The following AGTR1 variants were observed in gnomAD, a reference collection of about 807,000 sequenced individuals.
The protein encoded by AGTR1 is type-1 angiotensin II receptor.
In AGTR1, 16 loss-of-function variants were observed where a neutral mutation model predicts 19.4. The observed-to-expected ratio is 0.82, with a 90% CI of 0.56 to 1.25. AGTR1 has a LOEUF of 1.25. Ranked by LOEUF, AGTR1 falls within the 50% of genes most tolerant of loss-of-function variation. AGTR1 has a pLI of 0.00. For synonymous variants in AGTR1, 153 were observed against 154.9 expected, an observed-to-expected ratio of 0.99 and a Z score of 0.09; for missense variants, 373 against 431.9, an observed-to-expected ratio of 0.86 and a Z score of 1.21.
chr3:148,725,068 C>T (rs1713851721), intron 2 of AGTR1, among the ~76,000 whole-genome samples: 1 of 152,076 alleles, frequency 6.6e-6, no homozygotes, highest in Non-Finnish European at 1.5e-5. Flanking sequence ...AAAGTGAACT[C>T]ATGAAATTCT....
intron 2 of AGTR1, among the ~76,000 whole-genome samples, chr3:148,721,824 A>G (rs1029665080): frequency 6.6e-6 from 1 of 152,226 alleles, no homozygotes; most frequent in African/African-American, 2.4e-5. Context: ...AACGTATTAG[A>G]GAGAACAAGC....
Position 148,742,089 on chromosome 3 carries a change from C to A in AGTR1, c.1054C>A (p.Pro352Thr). ...SDNVSSSTKK[P>T]APCFEVE ...TAATGTAAGCTCATCCACCAAGAAG[C>A]CTGCACCATGTTTTGAGGTTGAGTG... The change falls in exon 3 of 3, where the codon CCT (proline) becomes ACT (threonine). Residue 352 changes from proline (P) to threonine (T), a missense_variant. Pro to Thr is a conservative substitution (Grantham distance 38). Transcript: ENST00000349243. The A allele has an allele frequency of 6.2e-7, 1 of 1,614,052 alleles. No individual in the cohort carries two copies.
At chr3:148,713,693 G>A (rs963062192) in intron 2 of AGTR1, among the ~76,000 whole-genome samples, 1 of 152,118 alleles carries the variant, frequency 6.6e-6, no homozygotes, top group African/African-American at 2.4e-5. Context: ...AAAAAACCCA[G>A]TATGACTTAG....
chr3:148,718,831 T>C (rs1713441060), intron 2 of AGTR1, among the ~76,000 whole-genome samples: 1 of 152,230 alleles, frequency 6.6e-6, no homozygotes, highest in Admixed American at 6.5e-5. Flanking sequence ...AGTTGAAACA[T>C]GGGTTTTAAA....
chr3:148,721,662 C>T (rs1173827739), intron 2 of AGTR1, among the ~76,000 whole-genome samples: 19 of 152,116 alleles, frequency 1.2e-4, no homozygotes, highest in Non-Finnish European at 1.5e-5. Context: ...AACTCGAGGT[C>T]CTCTCTGAGT....
chr3:148,741,798 C>T lies in AGTR1; in HGVS notation c.763C>T (p.Pro255Ser). 1 of 1,613,064 alleles carries T rather than the reference C, an allele frequency of 6.2e-7. No individual in the cohort carries two copies. The highest frequency in any genetic ancestry group is 1.1e-5 in the South Asian group (1 of 91,054). The stretch of plus-strand genomic sequence containing the variant: ...GCTTTTCTTTTTCTTTTCCTGGATT[C>T]CCCACCAAATATTCACTTTTCTGGA... ...IVLFFFFSWI[P>S]HQIFTFLDVL... The change falls in exon 3 of 3, where the codon CCC becomes TCC. Residue 255 changes from proline to serine, a missense_variant. Transcript: ENST00000349243.
intron 2 of AGTR1, among the ~76,000 whole-genome samples, chr3:148,719,283 T>C (rs375752724): frequency 2.0e-4 from 27 of 135,456 alleles, no homozygotes; most frequent in African/African-American, 9.2e-4. Flanking sequence ...AAAATTCACA[T>C]ATTTCATAGG....
chr3:148,721,283 T>C (rs1178048468), intron 2 of AGTR1, among the ~76,000 whole-genome samples: 1 of 152,148 alleles, frequency 6.6e-6, no homozygotes, highest in Admixed American at 6.6e-5. Context: ...CTATAACATG[T>C]TTTCCCCTAT....
intron 2 of AGTR1, among the ~76,000 whole-genome samples, chr3:148,738,758 T>C (rs1714708179): frequency 6.6e-6 from 1 of 152,252 alleles, no homozygotes; most frequent in South Asian, 2.1e-4. Flanking sequence ...TCTGTTTTTT[T>C]GTCCAAGGTG....
intron 1 of AGTR1, among the ~76,000 whole-genome samples, chr3:148,698,488 G>C (rs1712110506): frequency 6.6e-6 from 1 of 152,180 alleles, no homozygotes; most frequent in Non-Finnish European, 1.5e-5. Flanking sequence ...GCCATCATCT[G>C]AGCGGGAAGC....
rs1714999842 is a variant in AGTR1 at position 148,742,903 on chromosome 3, A to G, written c.*788A>G. 1 of 166,916 alleles carries G rather than the reference A, an allele frequency of 6.0e-6. No individual in the cohort carries two copies. The highest frequency in any genetic ancestry group is 2.4e-5 in the African/African-American group (1 of 41,500). 10.3% of individuals were successfully genotyped at this position (166,916 alleles called of 1,614,324 possible). A position where few individuals can be genotyped will look rare whatever the true frequency, so the allele number is the denominator to read the frequency against. ...CCTGTTTAAAAAAAGTATATATTCT[A>G]CACATATATGTATATGTATATCTAT... On this transcript the variant is annotated 3_prime_UTR_variant, in exon 3 of 3. Coordinates refer to ENST00000349243, the MANE Select transcript of AGTR1 (RefSeq NM_000685.5).
At chr3:148,728,985 T>C (rs2107958315) in intron 2 of AGTR1, among the ~76,000 whole-genome samples, 1 of 143,306 alleles carries the variant, frequency 7.0e-6, no homozygotes, top group East Asian at 2.1e-4. Flanking sequence ...ACAATTGCTT[T>C]TGGATTGGAG....
intron 2 of AGTR1, among the ~76,000 whole-genome samples, chr3:148,739,298 G>A (rs145917436): frequency 3.5e-4 from 53 of 151,722 alleles, no homozygotes; most frequent in African/African-American, 1.2e-3. Context: ...GGTAGAGATC[G>A]CAGTGAGCCA....
At chr3:148,698,469 T>G (rs762836809) in intron 1 of AGTR1, among the ~76,000 whole-genome samples, 2 of 152,206 alleles carry the variant, frequency 1.3e-5, no homozygotes, top group Non-Finnish European at 2.9e-5. Flanking sequence ...AGTTAACTCT[T>G]GTATTTTAGC....
chr3:148,714,153 C>G (rs1343771962), intron 2 of AGTR1, among the ~76,000 whole-genome samples: 3 of 152,114 alleles, frequency 2.0e-5, no homozygotes, highest in Non-Finnish European at 4.4e-5. Flanking sequence ...TTTTTGGACA[C>G]CTACATGCCA....
Position 148,741,826 on chromosome 3 carries a change from T to C in AGTR1, c.791T>C (p.Val264Ala). 6.2e-7 allele frequency: 1 copy of C among 1,613,838 alleles called. No individual in the cohort carries two copies. The highest frequency in any genetic ancestry group is 8.5e-7 in the Non-Finnish European group (1 of 1,180,032). Residue 264 changes from valine (V) to alanine (A), a missense_variant, in exon 3 of 3, where the codon GTA becomes GCA. Coordinates refer to ENST00000349243, the MANE Select transcript of AGTR1 (RefSeq NM_000685.5). ...CACCAAATATTCACTTTTCTGGATG[T>C]ATTGATTCAACTAGGCATCATACGT... is the stretch of plus-strand genomic sequence containing the variant. ...IPHQIFTFLD[V>A]LIQLGIIRDC...
At chr3:148,723,407 C>G (rs1713756021) in intron 2 of AGTR1, among the ~76,000 whole-genome samples, 1 of 152,182 alleles carries the variant, frequency 6.6e-6, no homozygotes, top group African/African-American at 2.4e-5. Flanking sequence ...CTGAGTGTGG[C>G]TCTATGAAAT....
In AGTR1 at chr3:148,732,841, C is replaced by T. The variant is rs17231352; in HGVS notation, c.-47-8148C>T. On this transcript the variant is annotated intron_variant, in intron 2 of 2. Coordinates refer to ENST00000349243, the MANE Select transcript of AGTR1 (RefSeq NM_000685.5). Reference sequence around the variant, plus strand: ...CTGCAAGCTCTGCCTCCCGGGTTCACGCCATTCTCCTGCCTCAGCCTCCCA... The same window carrying T: ...CTGCAAGCTCTGCCTCCCGGGTTCATGCCATTCTCCTGCCTCAGCCTCCCA... Among the ~76,000 whole-genome samples, 379 of 145,058 alleles carry T rather than the reference C, an allele frequency of 2.6e-3. 4 individuals are homozygous for T. Among genetic ancestry groups the T allele is most frequent in the Admixed American group, 5.4e-3 (78 of 14,396 alleles).
chr3:148,720,236 C>G (rs1321019111), intron 2 of AGTR1, among the ~76,000 whole-genome samples: 2 of 152,106 alleles, frequency 1.3e-5, no homozygotes, highest in Admixed American at 6.5e-5. Flanking sequence ...AAAAAACAAC[C>G]ACATCATAAA....
Sources: allele counts gnomAD v4.1 joint callset (sites outside exome capture counted in the v4.1 genomes callset), GRCh38; gene constraint gnomAD v4.1.1; transcripts MANE v1.5; gene names NCBI Gene and HGNC (gene_info 2026-07-23, HGNC 2026-07-21).